LRRK2: variants seen among roughly 807,000 people sequenced by gnomAD.
The protein encoded by LRRK2 is leucine-rich repeat serine/threonine-protein kinase 2.
LRRK2 carries 203 observed loss-of-function variants against 302.6 expected under a neutral mutation model. That is an observed-to-expected ratio of 0.67 (90% confidence interval 0.60 to 0.75). The LOEUF (loss-of-function observed/expected upper bound fraction) is 0.75, where lower values mean the gene tolerates loss of function less well. Ranked by LOEUF, LRRK2 falls within the 30% of genes least tolerant of loss-of-function variation. The pLI is 0.00. For missense variants in LRRK2, 2,830 were observed against 2,951.0 expected, an observed-to-expected ratio of 0.96 and a Z score of 0.95; for synonymous variants, 1,066 against 1,031.9, an observed-to-expected ratio of 1.03 and a Z score of -0.63.
rs369044753 is a variant in LRRK2, at chr12:40,248,401, G to A, written c.839-1425G>A. Among the ~76,000 whole-genome samples, 3 of 152,258 alleles carry A rather than the reference G, an allele frequency of 2.0e-5. No individual in the cohort carries two copies. In the East Asian group the frequency reaches 5.8e-4, roughly 29 times the overall value. On this transcript the variant is annotated intron_variant, in intron 7 of 50. Coordinates refer to ENST00000298910, the MANE Select transcript of LRRK2 (RefSeq NM_198578.4). ...AAACATGGCAACTGTCATGTCATATGTAACTTTTGTATTATTCTGTAACTT... is the reference window on the plus strand; with the variant it reads ...AAACATGGCAACTGTCATGTCATATATAACTTTTGTATTATTCTGTAACTT...
intron 20 of LRRK2, among the ~76,000 whole-genome samples, chr12:40,289,550 T>C (rs1944062939): frequency 6.7e-6 from 1 of 149,074 alleles, no homozygotes; most frequent in Non-Finnish European, 1.5e-5. Context: ...ACATAAATAA[T>C]AATTTATATA....
intron 20 of LRRK2, among the ~76,000 whole-genome samples, chr12:40,288,837 AT>A (rs912498447): frequency 3.3e-5 from 5 of 151,606 alleles, no homozygotes; most frequent in African/African-American, 1.2e-4. Context: ...TGTATTGCAT[AT>A]TTTTTTCCCA....
At chr12:40,334,454 A>C (rs953015576) in intron 39 of LRRK2, among the ~76,000 whole-genome samples, 2 of 152,190 alleles carry the variant, frequency 1.3e-5, no homozygotes, top group African/African-American at 4.8e-5. Context: ...TGTTGACTGG[A>C]AGCTTTACTG....
intron 42 of LRRK2, among the ~76,000 whole-genome samples, chr12:40,347,987 T>C (rs1946243120): frequency 6.6e-6 from 1 of 152,100 alleles, no homozygotes. Context: ...GTGTTCTGCA[T>C]CAACCAGAAT....
intron 47 of LRRK2, among the ~76,000 whole-genome samples, chr12:40,360,243 T>G (rs2137032440): frequency 6.6e-6 from 1 of 152,216 alleles, no homozygotes; most frequent in South Asian, 2.1e-4. Flanking sequence ...GGATCTTAAT[T>G]AACATAATGA....
intron 6 of LRRK2, among the ~76,000 whole-genome samples, chr12:40,242,804 C>CAAAA (rs35987733): frequency 3.5e-4 from 7 of 20,030 alleles, no homozygotes; most frequent in Admixed American, 5.6e-4. Flanking sequence ...TTCTCCACAT[C>CAAAA]AAAAAAAAAA....
At chr12:40,272,708 A>C (rs901847040) in intron 14 of LRRK2, among the ~76,000 whole-genome samples, 3 of 152,176 alleles carry the variant, frequency 2.0e-5, no homozygotes, top group Non-Finnish European at 1.5e-5. Context: ...TTAAAGACTG[A>C]GAATAATTAG....
chr12:40,324,957 C>T (rs1011041062), intron 38 of LRRK2, among the ~76,000 whole-genome samples: 1 of 152,134 alleles, frequency 6.6e-6, no homozygotes, highest in African/African-American at 2.4e-5. Flanking sequence ...TGAATGGACA[C>T]GTTTTGAGTA....
rs1946899548 is a variant in LRRK2, at chr12:40,367,025, G to A, written c.7410G>A (p.Met2470Ile). 1 of 1,608,878 alleles carries A rather than the reference G, an allele frequency of 6.2e-7. No individual in the cohort carries two copies. The highest frequency in any genetic ancestry group is 8.5e-7 in the Non-Finnish European group (1 of 1,176,592). ...GTAAAGGAAGCCTTAAAAATGTCAT[G>A]CTGGTATTGGGCTACAACCGGAAAA... is the stretch of plus-strand genomic sequence containing the variant. ...TAQLGSLKNV[M>I]LVLGYNRKNT... The change falls in exon 50 of 51, where the codon ATG becomes ATA. Residue 2470 changes from methionine to isoleucine, a missense_variant. Coordinates refer to ENST00000298910, the MANE Select transcript of LRRK2 (RefSeq NM_198578.4).
chr12:40,332,939 T>C (rs975165738), intron 39 of LRRK2, among the ~76,000 whole-genome samples: 1 of 140,150 alleles, frequency 7.1e-6, no homozygotes, highest in Non-Finnish European at 1.5e-5. Flanking sequence ...AAAAGGGGTG[T>C]GCATAATGTG....
At position 40,314,035 on chromosome 12, in the gene LRRK2, A is replaced by G. The variant is rs141855590; in HGVS notation, c.4600A>G (p.Ile1534Val). Reference protein sequence around the residue: ...PDCYVELEKIILSERKNVPIE... With the variant: ...PDCYVELEKIVLSERKNVPIE... The stretch of plus-strand genomic sequence containing the variant: ...CTGCTATGTAGAACTTGAAAAAATC[A>G]TTTTATCGGAGCGTAAAAATGTGCC... The change falls in exon 32 of 51, where the codon ATT (isoleucine) becomes GTT (valine). Residue 1534 changes from isoleucine (I) to valine (V), a missense_variant. This residue lies in a region of LRRK2 where 2,121 missense variants were observed against 2,148.0 expected (regional missense o/e 0.99). Coordinates refer to ENST00000298910, the MANE Select transcript of LRRK2 (RefSeq NM_198578.4). 5.6e-6 allele frequency: 9 copies of G among 1,612,448 alleles called. No homozygotes were observed. In the African/African-American group the frequency reaches 1.1e-4, roughly 19 times the overall value.
intron 16 of LRRK2, among the ~76,000 whole-genome samples, chr12:40,275,312 C>G (rs1943402960): frequency 6.6e-6 from 1 of 152,082 alleles, no homozygotes; most frequent in African/African-American, 2.4e-5. Context: ...TATAAATATT[C>G]CAAAGTTTGT....
chr12:40,366,750 A>G (rs1178156676), intron 49 of LRRK2: 1 of 406,692 alleles, frequency 2.5e-6, no homozygotes, highest in Non-Finnish European at 4.6e-6. Flanking sequence ...TACTGAGCCT[A>G]TTTTATAGAA....
Position 40,351,658 on chromosome 12 carries a change from T to A in LRRK2, c.6501T>A (p.Ile2167=), listed in dbSNP as rs1946357680. The change falls in exon 44 of 51, where the codon ATT becomes ATA. Residue 2167 remains isoleucine, a synonymous_variant. Coordinates refer to ENST00000298910, the MANE Select transcript of LRRK2 (RefSeq NM_198578.4). ...ATCACAACAGCAGGAATGCAAGCAT[T>A]TGGCTGGGCTGTGGGCACACCGACA... The part of the protein sequence containing the change: ...ATHHNSRNAS[I]WLGCGHTDRG... The A allele has an allele frequency of 6.2e-7, 1 of 1,614,200 alleles. No homozygotes were observed. Among genetic ancestry groups the A allele is most frequent in the Non-Finnish European group, 8.5e-7 (1 of 1,180,022 alleles).
Position 40,340,448 on chromosome 12 carries a change from A to G in LRRK2, c.6103A>G (p.Thr2035Ala), listed in dbSNP as rs1946005251. The change falls in exon 41 of 51, where the codon ACA becomes GCA. Residue 2035 changes from threonine to alanine, a missense_variant. Transcript: ENST00000298910. ...CRMGIKTSEG[T>A]PGFRAPEVAR... ...AATGGGGATAAAAACATCAGAGGGC[A>G]CACCAGGTAGGTGATCAGGTCTGTC... 5 of 1,613,710 alleles carry G rather than the reference A, an allele frequency of 3.1e-6. No homozygotes were observed. In the Admixed American group the frequency reaches 6.7e-5, roughly 22 times the overall value.
At chr12:40,312,220 G>C (rs900747853) in intron 31 of LRRK2, among the ~76,000 whole-genome samples, 12 of 152,074 alleles carry the variant, frequency 7.9e-5, no homozygotes, top group African/African-American at 2.6e-4. Context: ...TTTTCTTTTG[G>C]CACTTATAAA....
intron 14 of LRRK2, among the ~76,000 whole-genome samples, chr12:40,269,385 T>C (rs1943144352): frequency 6.6e-6 from 1 of 152,088 alleles, no homozygotes; most frequent in Non-Finnish European, 1.5e-5. Flanking sequence ...GAGTTGTAAA[T>C]GGAGGGAATA....
chr12:40,239,148 T>TC (rs1468955047), intron 5 of LRRK2, among the ~76,000 whole-genome samples: 2 of 152,224 alleles, frequency 1.3e-5, no homozygotes, highest in Admixed American at 6.5e-5. Flanking sequence ...AGAAACATCT[T>TC]CCCATGGGTT....
intron 39 of LRRK2, 149 bp from the exon 40 acceptor site, chr12:40,334,818 A>G (rs1041949136): frequency 2.3e-5 from 21 of 931,880 alleles, no homozygotes; most frequent in African/African-American, 6.6e-5. Context: ...AAAATACGGG[A>G]AAAAAAACTC....
Sources: allele counts gnomAD v4.1 joint callset (sites outside exome capture counted in the v4.1 genomes callset), GRCh38; gene constraint gnomAD v4.1.1; regional missense constraint gnomAD v4.1.1; transcripts MANE v1.5; gene names NCBI Gene and HGNC (gene_info 2026-07-23, HGNC 2026-07-21).